UMODL1: variants seen among roughly 807,000 people sequenced by gnomAD.
The protein encoded by UMODL1 is uromodulin like 1, also known as uromodulin-like 1.
In UMODL1, 128 loss-of-function variants were observed where a neutral mutation model predicts 136.3. The ratio of observed to expected loss-of-function variants is 0.94; its 90% confidence interval spans 0.81 to 1.09. The LOEUF is 1.09. UMODL1 is among the 50% of genes least tolerant of loss of function. The probability of loss-of-function intolerance (pLI) is 0.00; values close to 1 mark genes in which losing one functional copy is unlikely to be tolerated. For synonymous variants in UMODL1, 721 were observed against 720.0 expected (o/e 1.00, Z -0.02); for missense variants, 1,766 against 1,725.6 (o/e 1.02, Z -0.41).
At chr21:42,068,214 G>A (rs940913912), upstream of UMODL1, among the ~76,000 whole-genome samples, 14 of 152,336 alleles carry the variant, frequency 9.2e-5, no homozygotes, top group South Asian at 4.1e-4. The surrounding 1 kb of genome is among the most constrained non-coding windows in gnomAD (Gnocchi z 5.5). Flanking sequence ...CACTGGATTC[G>A]TGTCCTGGTG....
chr21:42,092,796 G>A (rs756094404), intron 6 of UMODL1, among the ~76,000 whole-genome samples: 9 of 152,220 alleles, frequency 5.9e-5, no homozygotes. Context: ...AGCACTCTGT[G>A]GGTATTGCTT....
intron 6 of UMODL1, among the ~76,000 whole-genome samples, chr21:42,096,639 C>T (rs1274046108): frequency 2.0e-5 from 3 of 152,196 alleles, no homozygotes; most frequent in Non-Finnish European, 4.4e-5. Flanking sequence ...CCCATGTGCT[C>T]TCTCGCTCTG....
chr21:42,130,697 C>A (rs2067123093), intron 21 of UMODL1, among the ~76,000 whole-genome samples: 1 of 152,180 alleles, frequency 6.6e-6, no homozygotes, highest in Non-Finnish European at 1.5e-5. Context: ...ACGTCTGTGC[C>A]TACCCTCTGC....
chr21:42,079,102 G>A (rs929404607), intron 2 of UMODL1, among the ~76,000 whole-genome samples: 1 of 152,182 alleles, frequency 6.6e-6, no homozygotes, highest in Non-Finnish European at 1.5e-5. Context: ...CTTCCTACCT[G>A]TTGGCATTGT....
Position 42,076,003 on chromosome 21 carries a change from A to G in UMODL1, c.77-2A>G, listed in dbSNP as rs764133039. The G allele has an allele frequency of 1.2e-6, 2 of 1,612,700 alleles. No individual in the cohort carries two copies. The highest frequency in any genetic ancestry group is 1.7e-6 in the Non-Finnish European group (2 of 1,178,762). ...GTCGCCTTCTTGCTTGGCCTCTTTC[A>G]GAAAAAGGCCTCTCCCTGTTGGGCT... On this transcript the variant is annotated splice_acceptor_variant, in intron 1 of 22. Coordinates refer to ENST00000408910, the MANE Select transcript of UMODL1 (RefSeq NM_001004416.3). LOFTEE classifies it high-confidence loss of function.
At position 42,122,274 on chromosome 21, in the gene UMODL1, C is replaced by A. The variant is rs990305591; in HGVS notation, c.2828-557C>A. Among the ~76,000 whole-genome samples the A allele has an allele frequency of 6.6e-6, 1 of 152,112 alleles. No homozygotes were observed. The highest frequency in any genetic ancestry group is 6.5e-5 in the Admixed American group (1 of 15,284). ...ACAGGTGGGTGGATTGGAAAGCTTT[C>A]CGGGCCCCTTGTTCTCCTAGGCATT... On this transcript the variant is annotated intron_variant, in intron 16 of 22. Coordinates refer to ENST00000408910, the MANE Select transcript of UMODL1 (RefSeq NM_001004416.3). This position sits in a 1 kb window ranked among gnomAD's most constrained non-coding sequence, Gnocchi z 4.3.
intron 21 of UMODL1, among the ~76,000 whole-genome samples, chr21:42,130,037 G>A (rs184091135): frequency 7.4e-4 from 113 of 152,284 alleles, no homozygotes; most frequent in Admixed American, 6.1e-3. Context: ...TATGGAGCAT[G>A]AGCTATTACC....
At chr21:42,066,509 C>A (rs1431126102), upstream of UMODL1, among the ~76,000 whole-genome samples, 1 of 152,206 alleles carries the variant, frequency 6.6e-6, no homozygotes, top group Non-Finnish European at 1.5e-5. Flanking sequence ...TGGTCTTGAA[C>A]TCCTGACCTC....
chr21:42,139,910 G>A (rs1368573458), intron 22 of UMODL1, among the ~76,000 whole-genome samples: 1 of 152,144 alleles, frequency 6.6e-6, no homozygotes, highest in Non-Finnish European at 1.5e-5. Flanking sequence ...CCCTCACATG[G>A]GCAGAATCAC....
At chr21:42,076,831 A>G (rs113488736) in intron 2 of UMODL1, among the ~76,000 whole-genome samples, 197 of 152,296 alleles carry the variant, frequency 1.3e-3, no homozygotes, top group African/African-American at 4.5e-3. Context: ...GAGGCCCCCA[A>G]GTCCTCCCAG....
At chr21:42,117,273 T>C (rs73373610) in intron 14 of UMODL1, among the ~76,000 whole-genome samples, 166 of 152,352 alleles carry the variant, frequency 1.1e-3, no homozygotes, top group African/African-American at 3.8e-3. Context: ...GCAGCATGTG[T>C]CAGCACTGGA....
At chr21:42,076,297 C>T (rs775646516) in intron 2 of UMODL1, 50 bp downstream of exon 2, 10 of 1,605,526 alleles carry the variant, frequency 6.2e-6, no homozygotes, top group Middle Eastern at 1.7e-4. Context: ...GCCGTCGAGA[C>T]GCCTGATGGG....
rs79356221 is a variant in UMODL1, at chr21:42,088,594, A to C, written c.790+114A>C. 1,832 of 1,117,938 alleles carry C rather than the reference A, an allele frequency of 1.6e-3. 45 individuals are homozygous for C. The East Asian group carries it at 0.044, about 27-fold the overall frequency. The allele number at this position is 1,117,938 out of a possible 1,614,324, so 69.3% of individuals were successfully genotyped here. A position where few individuals can be genotyped will look rare whatever the true frequency, so the allele number is the denominator to read the frequency against. ...GTCCTTTGTCTTTTAAAGGAGGTTT[A>C]AGTTCAGGAGCAAAAGAATAACTGG... On this transcript the variant is annotated intron_variant, in intron 5 of 22. Coordinates refer to ENST00000408910, the MANE Select transcript of UMODL1 (RefSeq NM_001004416.3).
chr21:42,073,478 G>A (rs1273187694), intron 1 of UMODL1, among the ~76,000 whole-genome samples: 2 of 152,218 alleles, frequency 1.3e-5, no homozygotes, highest in African/African-American at 4.8e-5. Context: ...GCCCTGCTGG[G>A]CCCGCAGGGT....
chr21:42,113,694 C>G lies in UMODL1; in HGVS notation c.2226C>G (p.Ser742Arg). 1 of 1,614,054 alleles carries G rather than the reference C, an allele frequency of 6.2e-7. No individual in the cohort carries two copies. Among genetic ancestry groups the G allele is most frequent in the African/African-American group, 1.3e-5 (1 of 75,018 alleles). ...AGCTCACTCTGACTTCCATGTGGAG[C>G]CCTGCTGTGGTCCTAGAGACCTGGA... ...TFQLTLTSMW[S>R]PAVVLETWNT... The change falls in exon 13 of 23, where the codon AGC becomes AGG. Residue 742 changes from serine (S) to arginine (R), a missense_variant. Ser to Arg is a moderately radical substitution (Grantham distance 110, BLOSUM62 -1). Transcript: ENST00000408910.
Position 42,077,855 on chromosome 21 carries a change from T to C in UMODL1, c.319+1608T>C, listed in dbSNP as rs532173023. Reference sequence around the variant, plus strand: ...GACAACAGCAGAATGGAGCGTGGACTCCGCAAACCAGGGTGTCTGCCTCCT... The same window carrying C: ...GACAACAGCAGAATGGAGCGTGGACCCCGCAAACCAGGGTGTCTGCCTCCT... On this transcript the variant is annotated intron_variant, in intron 2 of 22. Coordinates refer to ENST00000408910, the MANE Select transcript of UMODL1 (RefSeq NM_001004416.3). Among the ~76,000 whole-genome samples the C allele has an allele frequency of 2.0e-5, 3 of 152,292 alleles. No homozygotes were observed. In the South Asian group the frequency reaches 6.2e-4, roughly 32 times the overall value.
chr21:42,083,425 C>T (rs1278866978), intron 2 of UMODL1, among the ~76,000 whole-genome samples: 1 of 152,224 alleles, frequency 6.6e-6, no homozygotes, highest in Non-Finnish European at 1.5e-5. Context: ...GCTGCACTCA[C>T]CTGCACTGTC....
chr21:42,087,421 CAA>C (rs893611932), intron 4 of UMODL1, among the ~76,000 whole-genome samples: 1 of 152,200 alleles, frequency 6.6e-6, no homozygotes, highest in African/African-American at 2.4e-5. Flanking sequence ...GGTTTGCTGG[CAA>C]AGTTTGTTCT....
chr21:42,075,867 TG>T, intron 1 of UMODL1, 137 bp from the exon 2 acceptor site: 2 of 1,273,056 alleles, frequency 1.6e-6, no homozygotes, highest in Non-Finnish European at 2.2e-6. Context: ...AGAGGGCTGG[TG>T]GGCAGCTTCT....
Sources: gnomAD v4.1 joint callset for allele counts (sites outside exome capture counted in the v4.1 genomes callset) on GRCh38, gnomAD v4.1.1 for gene constraint, Gnocchi (gnomAD v3.1) non-coding constraint, MANE v1.5 for transcripts, NCBI Gene and HGNC (gene_info 2026-07-23, HGNC 2026-07-21) for gene names.